Variants in SORBS2 observed in about 807,000 individuals in gnomAD.
SORBS2 encodes the protein sorbin and SH3 domain containing 2.
Under a neutral mutation model 97.7 loss-of-function variants are expected in SORBS2, and 46 were observed. The observed-to-expected ratio is 0.47, with a 90% CI of 0.37 to 0.60. The LOEUF is 0.60. Ranked by LOEUF, SORBS2 falls within the 20% of genes least tolerant of loss-of-function variation. The pLI is 0.00. For synonymous variants in SORBS2, 476 were observed against 473.4 expected (o/e 1.01, Z -0.07); for missense variants, 1,316 against 1,282.3 (o/e 1.03, Z -0.40).
chr4:185,861,138 G>A (rs750002615), intron 1 of SORBS2, among the ~76,000 whole-genome samples: 8 of 152,000 alleles, frequency 5.3e-5, no homozygotes, highest in South Asian at 2.1e-4. Flanking sequence ...CTGTTTTGTC[G>A]GCAGATTTCT....
intron 2 of SORBS2, among the ~76,000 whole-genome samples, chr4:185,764,338 T>C (rs959909605): frequency 2.0e-5 from 3 of 152,216 alleles, no homozygotes; most frequent in Non-Finnish European, 4.4e-5. Context: ...TCAAAGCCCA[T>C]TATAAATTTT....
At chr4:185,589,313 G>T (rs2095865803) in intron 14 of SORBS2, 1 of 183,714 alleles carries the variant, frequency 5.4e-6, no homozygotes, top group African/African-American at 2.4e-5. Context: ...TCTGAAATTA[G>T]ATTCTCACTG....
intron 1 of SORBS2, among the ~76,000 whole-genome samples, chr4:185,855,652 C>T (rs2099220291): frequency 6.6e-6 from 1 of 152,148 alleles, no homozygotes; most frequent in South Asian, 2.1e-4. Flanking sequence ...TAAATACAAA[C>T]ACTGAAGAAT....
intron 4 of SORBS2, among the ~76,000 whole-genome samples, chr4:185,669,734 C>G (rs1056642798): frequency 1.3e-5 from 2 of 152,100 alleles, no homozygotes; most frequent in African/African-American, 4.8e-5. Context: ...TAAATGAAGA[C>G]CAGCGCATGC....
At chr4:185,828,898 A>C (rs553047001) in intron 1 of SORBS2, among the ~76,000 whole-genome samples, 1 of 152,292 alleles carries the variant, frequency 6.6e-6, no homozygotes, top group Admixed American at 6.5e-5. Flanking sequence ...TCTTTTCCAG[A>C]GACTTCTCCA....
intron 1 of SORBS2, among the ~76,000 whole-genome samples, chr4:185,935,478 C>T (rs2099268484): frequency 6.6e-6 from 1 of 152,154 alleles, no homozygotes; most frequent in Non-Finnish European, 1.5e-5. Context: ...ACAAAAATGT[C>T]TCTCACTATG....
chr4:185,605,976 C>T, intron 12 of SORBS2: 1 of 357,260 alleles, frequency 2.8e-6, no homozygotes, highest in Non-Finnish European at 3.9e-6. Flanking sequence ...ATACAGTACC[C>T]AGTTCTTAAG....
rs747886644 is a variant in SORBS2 at position 185,615,080 on chromosome 4, C to G, written c.2431G>C (p.Gly811Arg). ...GAGATCGGGAAGATGCCCACTCTCC[C>G]GTGGTGTTCTCCCTCATACCAATTT... is the stretch of plus-strand genomic sequence containing the variant. Residue 811 changes from glycine (G) to arginine (R), a missense_variant, in exon 10 of 15, where the codon GGG becomes CGG. Gly to Arg is a moderately radical substitution (Grantham distance 125). Transcript: ENST00000418609. 3.4e-5 allele frequency: 55 copies of G among 1,613,824 alleles called. 1 individual carries two copies. In the South Asian group the frequency reaches 6.0e-4, roughly 18 times the overall value.
chr4:185,873,883 A>G (rs936774633), intron 1 of SORBS2, among the ~76,000 whole-genome samples: 7 of 152,190 alleles, frequency 4.6e-5, no homozygotes, highest in Non-Finnish European at 8.8e-5. Context: ...AATATAAACT[A>G]AATAATGTGA....
intron 1 of SORBS2, among the ~76,000 whole-genome samples, chr4:185,795,845 TC>T (rs2099102242): frequency 6.6e-6 from 1 of 152,088 alleles, no homozygotes; most frequent in African/African-American, 2.4e-5. Flanking sequence ...ACTATCTTCT[TC>T]CCCCAAAACA....
chr4:185,852,325 C>A (rs2099218357), intron 1 of SORBS2, among the ~76,000 whole-genome samples: 1 of 152,174 alleles, frequency 6.6e-6, no homozygotes, highest in African/African-American at 2.4e-5. Flanking sequence ...TGTAGGTTCA[C>A]CAACCTCAAT....
At chr4:185,955,008 A>G (rs1561335452) in intron 1 of SORBS2, among the ~76,000 whole-genome samples, 1 of 152,208 alleles carries the variant, frequency 6.6e-6, no homozygotes, top group Non-Finnish European at 1.5e-5. Context: ...TTTAGAAACT[A>G]TAATCAATGC....
At chr4:185,753,892 G>T (rs73015602) in intron 2 of SORBS2, among the ~76,000 whole-genome samples, 1 of 152,154 alleles carries the variant, frequency 6.6e-6, no homozygotes, top group African/African-American at 2.4e-5. Flanking sequence ...AGCATTTGGT[G>T]ATTTCTGATA....
At chr4:185,904,722 T>C (rs563802957) in intron 1 of SORBS2, among the ~76,000 whole-genome samples, 2 of 152,266 alleles carry the variant, frequency 1.3e-5, no homozygotes, top group South Asian at 4.1e-4. Context: ...AGAGAAAGTA[T>C]AAAAATAAGC....
intron 4 of SORBS2, among the ~76,000 whole-genome samples, chr4:185,668,499 A>G (rs1321533828): frequency 6.6e-6 from 1 of 152,226 alleles, no homozygotes; most frequent in Non-Finnish European, 1.5e-5. Flanking sequence ...ATAAAACTCA[A>G]TAATTCAACA....
At chr4:185,799,289 A>C (rs2099119642) in intron 1 of SORBS2, among the ~76,000 whole-genome samples, 2 of 152,230 alleles carry the variant, frequency 1.3e-5, no homozygotes, top group South Asian at 4.1e-4. Context: ...CAAATTTAGC[A>C]ACTCCTTTCC....
At chr4:185,850,366 G>T (rs796272170) in intron 1 of SORBS2, among the ~76,000 whole-genome samples, 1 of 152,102 alleles carries the variant, frequency 6.6e-6, no homozygotes, top group South Asian at 2.1e-4. Flanking sequence ...CCCATATGTC[G>T]AGAGTCTAAC....
At chr4:185,894,657 C>T (rs926882675) in intron 1 of SORBS2, among the ~76,000 whole-genome samples, 25 of 152,280 alleles carry the variant, frequency 1.6e-4, no homozygotes, top group Admixed American at 1.5e-3. Context: ...ATCAATATCT[C>T]TCTGGGGTCT....
chr4:185,707,558 A>C (rs1203734119), intron 2 of SORBS2, among the ~76,000 whole-genome samples: 1 of 151,960 alleles, frequency 6.6e-6, no homozygotes, highest in Non-Finnish European at 1.5e-5. Flanking sequence ...ATTTATTTCA[A>C]TAGGACAGCT....
Sources: allele counts gnomAD v4.1 joint callset (sites outside exome capture counted in the v4.1 genomes callset), GRCh38; gene constraint gnomAD v4.1.1; transcripts MANE v1.5; gene names NCBI Gene and HGNC (gene_info 2026-07-23, HGNC 2026-07-21).